Variants in NEK1 observed in about 807,000 individuals in gnomAD.
NEK1 encodes NIMA related kinase 1, also known as serine/threonine-protein kinase Nek1.
A neutral mutation model predicts 182.1 loss-of-function variants in NEK1; 137 were observed. The ratio of observed to expected loss-of-function variants is 0.75; its 90% CI spans 0.65 to 0.87. NEK1 has a LOEUF of 0.87. NEK1 is among the 40% of genes least tolerant of loss of function. The pLI, the probability that NEK1 is intolerant of heterozygous loss-of-function variation, is 0.00. For missense variants in NEK1, 1,391 were observed against 1,494.4 expected, an observed-to-expected ratio of 0.93 and a Z score of 1.14; for synonymous variants, 513 against 492.2, an observed-to-expected ratio of 1.04 and a Z score of -0.56.
intron 5 of NEK1, among the ~76,000 whole-genome samples, chr4:169,596,009 C>T (rs896869831): frequency 6.7e-6 from 1 of 150,172 alleles, no homozygotes; most frequent in Non-Finnish European, 1.5e-5. Context: ...ATCTAACTTA[C>T]AGGGTCCCTG....
At chr4:169,538,351 T>G (rs1022225116) in intron 18 of NEK1, among the ~76,000 whole-genome samples, 3 of 152,126 alleles carry the variant, frequency 2.0e-5, no homozygotes, top group Non-Finnish European at 2.9e-5. Flanking sequence ...ATGCTTTAAG[T>G]ATGAATTTTC....
intron 32 of NEK1, among the ~76,000 whole-genome samples, chr4:169,404,717 T>C (rs1022104825): frequency 6.6e-5 from 10 of 152,138 alleles, no homozygotes; most frequent in Non-Finnish European, 1.3e-4. Flanking sequence ...TCTAAGACAG[T>C]TGAGAGGGCT....
Position 169,508,820 on chromosome 4 carries a change from TCCATACATAG to T in NEK1, c.1688_1697del (p.Ala563GlufsTer24), listed in dbSNP as rs1753734548. On this transcript the variant is annotated frameshift_variant, in exon 20 of 36. Coordinates refer to ENST00000507142, the MANE Select transcript of NEK1 (RefSeq NM_001199397.3). LOFTEE classifies it high-confidence loss of function. ...CTCCTCTTGAAGAGCTGGGCCTGCC[TCCATACATAG>T]CTGCCAGGTTTTGCAGGATTCCCTG... 6 of 1,592,402 alleles carry T rather than the reference TCCATACATAG, an allele frequency of 3.8e-6. No homozygotes were observed. The Admixed American group carries it at 1.0e-4, about 27-fold the overall frequency.
At chr4:169,588,836 C>T (rs1767954039) in intron 7 of NEK1, 101 bp from the exon 8 acceptor site, 4 of 728,086 alleles carry the variant, frequency 5.5e-6, no homozygotes, top group Admixed American at 4.6e-5. Context: ...GATGCTGGTC[C>T]CATAAGATTA....
chr4:169,447,077 C>G (rs1470632000), intron 27 of NEK1, among the ~76,000 whole-genome samples: 1 of 152,110 alleles, frequency 6.6e-6, no homozygotes, highest in African/African-American at 2.4e-5. Flanking sequence ...TACCAATATT[C>G]AACTACAAGA....
At chr4:169,561,386 A>G (rs1433334309) in intron 16 of NEK1, 94 bp downstream of exon 16, 2 of 1,086,598 alleles carry the variant, frequency 1.8e-6, no homozygotes, top group Admixed American at 1.9e-5. Context: ...TACACTAAAG[A>G]AAGAAAGAAA....
chr4:169,491,230 G>A (rs959688642), intron 23 of NEK1, among the ~76,000 whole-genome samples: 6 of 151,392 alleles, frequency 4.0e-5, no homozygotes, highest in Non-Finnish European at 5.9e-5. Context: ...CCAAGTCTTG[G>A]GAGTGATATG....
Position 169,477,194 on chromosome 4 carries a change from C to T in NEK1, c.2364G>A (p.Trp788Ter). The T allele has an allele frequency of 6.2e-7, 1 of 1,608,550 alleles. No individual in the cohort carries two copies. Among genetic ancestry groups the T allele is most frequent in the Non-Finnish European group, 8.5e-7 (1 of 1,177,200 alleles). Residue 788 changes from tryptophan (W) to a stop codon, truncating the protein, a stop_gained, in exon 26 of 36, where the codon TGG becomes TGA. Transcript: ENST00000507142. LOFTEE classifies it high-confidence loss of function. ...GAATCACAAGTTGACCTCCTGCCTC[C>T]CACTTCTTGCGATCAGATGAAACTG... ...EKSVSSDRKK[W>*]EAGGQLVIPL... is the part of the protein sequence containing the mutation.
chr4:169,581,977 C>G (rs1766729744), intron 10 of NEK1, among the ~76,000 whole-genome samples: 1 of 152,086 alleles, frequency 6.6e-6, no homozygotes, highest in Admixed American at 6.5e-5. Context: ...TATTCTCCAG[C>G]ATTTATAAAC....
intron 5 of NEK1, among the ~76,000 whole-genome samples, chr4:169,596,908 A>T (rs78409627): frequency 0.071 from 10,874 of 152,246 alleles, 1,272 homozygotes; most frequent in African/African-American, 0.25. Context: ...TTTATCATTT[A>T]TGATAAATAA....
chr4:169,435,251 A>G (rs1738184001), intron 28 of NEK1, among the ~76,000 whole-genome samples: 1 of 150,092 alleles, frequency 6.7e-6, no homozygotes, highest in South Asian at 2.1e-4. Flanking sequence ...GAAAGCAGAA[A>G]GCTCTCTGGC....
At chr4:169,436,271 A>C (rs951114792) in intron 28 of NEK1, among the ~76,000 whole-genome samples, 1 of 152,236 alleles carries the variant, frequency 6.6e-6, no homozygotes, top group Admixed American at 6.5e-5. Flanking sequence ...TAATTGAAGC[A>C]GAATTACATA....
At chr4:169,506,287 C>T (rs1753237681) in intron 23 of NEK1, among the ~76,000 whole-genome samples, 1 of 151,828 alleles carries the variant, frequency 6.6e-6, no homozygotes, top group African/African-American at 2.4e-5. Flanking sequence ...AGGAGAAAGC[C>T]CAAAGGAAGA....
chr4:169,477,759 C>T (rs2149551319), intron 24 of NEK1, among the ~76,000 whole-genome samples: 1 of 151,976 alleles, frequency 6.6e-6, no homozygotes, highest in Non-Finnish European at 1.5e-5. Context: ...TAACTATATC[C>T]TCTTCCTCTT....
At chr4:169,586,859 GA>G (rs977759163) in intron 9 of NEK1, among the ~76,000 whole-genome samples, 1 of 151,176 alleles carries the variant, frequency 6.6e-6, no homozygotes, top group Non-Finnish European at 1.5e-5. Context: ...TTTTGGGGAA[GA>G]AAAAAAAATT....
intron 23 of NEK1, among the ~76,000 whole-genome samples, chr4:169,499,916 C>G (rs1012904905): frequency 1.1e-4 from 16 of 152,220 alleles, no homozygotes; most frequent in African/African-American, 3.6e-4. Context: ...AACCACTACT[C>G]TCTTCAAAGC....
At chr4:169,412,057 C>T (rs1733767673) in intron 31 of NEK1, among the ~76,000 whole-genome samples, 1 of 152,156 alleles carries the variant, frequency 6.6e-6, no homozygotes, top group East Asian at 1.9e-4. Flanking sequence ...AGAATGGCTC[C>T]ATGAGCAGAG....
chr4:169,401,898 A>G (rs1362788860), intron 32 of NEK1, 38 bp from the exon 33 acceptor site: 1 of 1,515,046 alleles, frequency 6.6e-7, no homozygotes, highest in Non-Finnish European at 8.9e-7. Flanking sequence ...TTTCAAACAT[A>G]CTGAAATTTA....
chr4:169,547,977 T>C (rs1760800986), intron 18 of NEK1, among the ~76,000 whole-genome samples: 1 of 152,190 alleles, frequency 6.6e-6, no homozygotes, highest in South Asian at 2.1e-4. Flanking sequence ...TTCTGTCAAT[T>C]CATCAAACTC....
Sources: allele counts gnomAD v4.1 joint callset (sites outside exome capture counted in the v4.1 genomes callset), GRCh38; gene constraint gnomAD v4.1.1; transcripts MANE v1.5; gene names NCBI Gene and HGNC (gene_info 2026-07-23, HGNC 2026-07-21).